CYP4F22: variants seen among roughly 807,000 people sequenced by gnomAD.
CYP4F22 encodes ultra-long-chain fatty acid omega-hydroxylase.
Under a neutral mutation model 60.4 loss-of-function variants are expected in CYP4F22, and 37 were observed. That is an observed-to-expected ratio of 0.61 (90% CI 0.47 to 0.81). The LOEUF (loss-of-function observed/expected upper bound fraction) is 0.81, where lower values mean the gene tolerates loss of function less well. Among genes scored for constraint, CYP4F22 ranks in the 30% least tolerant of loss-of-function variants. The pLI is 0.00. For missense variants in CYP4F22, 655 were observed against 715.0 expected, an observed-to-expected ratio of 0.92 and a Z score of 0.96; for synonymous variants, 258 against 280.5, an observed-to-expected ratio of 0.92 and a Z score of 0.80.
intron 1 of CYP4F22, among the ~76,000 whole-genome samples, chr19:15,516,415 G>A (rs767891498): frequency 2.0e-5 from 3 of 152,192 alleles, no homozygotes; most frequent in Admixed American, 1.3e-4. Flanking sequence ...TTTAGATTGT[G>A]AGGTCTTGCT....
chr19:15,516,105 C>A (rs1371193063), intron 1 of CYP4F22: 1 of 152,132 alleles, frequency 6.6e-6, no homozygotes, highest in Non-Finnish European at 1.5e-5. Context: ...ACATCCTTGC[C>A]AATACTATGT....
At chr19:15,545,774 C>T (rs1370705102) in intron 10 of CYP4F22, among the ~76,000 whole-genome samples, 1 of 151,896 alleles carries the variant, frequency 6.6e-6, no homozygotes, top group Admixed American at 6.6e-5. Context: ...AACCTTTTGC[C>T]TTATGGCCTC....
chr19:15,551,501 G>A lies in CYP4F22; in HGVS notation c.*30G>A. On this transcript the variant is annotated 3_prime_UTR_variant, in exon 14 of 14. Transcript: ENST00000269703. ...GGGCGCGCCCCTGCGGCTCCCGAGG[G>A]TCCAGGCCCCGCCCCCAAAGGACCA... The A allele has an allele frequency of 1.3e-6, 2 of 1,543,784 alleles. No homozygotes were observed. Among genetic ancestry groups the A allele is most frequent in the African/African-American group, 1.4e-5 (1 of 72,986 alleles).
At position 15,547,988 on chromosome 19, in the gene CYP4F22, AGAGAGAGGGAGAGAGTGTGT is replaced by A. The variant is rs1225269379; in HGVS notation, c.1137-118_1137-99del. ...GCCCCTGAGAGAGAGAGAGAGAGAGAGAGAGAGGGAGAGAGTGTGTGTGTGTGTGTGTGTGTGTGTGTGTG... is the reference window on the plus strand; with the variant it reads ...GCCCCTGAGAGAGAGAGAGAGAGAGAGTGTGTGTGTGTGTGTGTGTGTGTG... On this transcript the variant is annotated intron_variant, in intron 10 of 13. Coordinates refer to ENST00000269703, the MANE Select transcript of CYP4F22 (RefSeq NM_173483.4). The A allele has an allele frequency of 5.4e-4, 241 of 448,236 alleles. 5 individuals are homozygous for A. In the African/African-American group the frequency reaches 6.5e-3, roughly 12 times the overall value. The allele number at this position is 448,236 out of a possible 1,614,324, so 27.8% of individuals were successfully genotyped here.
At chr19:15,511,495 A>C (rs1971092068) in intron 1 of CYP4F22, among the ~76,000 whole-genome samples, 1 of 151,962 alleles carries the variant, frequency 6.6e-6, no homozygotes. Context: ...ACAACAAAAC[A>C]ACTTAGAAGT....
At position 15,512,457 on chromosome 19, in the gene CYP4F22, C is replaced by A. The variant is rs551114246; in HGVS notation, c.-109+3874C>A. On this transcript the variant is annotated intron_variant, in intron 1 of 13. Coordinates refer to ENST00000269703, the MANE Select transcript of CYP4F22 (RefSeq NM_173483.4). ...AGTAGCTGGGGCTACAGGCATCCAC[C>A]ACCATGCCCAGCTATTTCTTTTTTT... 3.9e-5 allele frequency among the ~76,000 whole-genome samples: 6 copies of A among 152,300 alleles called. No homozygotes were observed. The South Asian group carries it at 1.2e-3, about 32-fold the overall frequency.
Position 15,525,457 on chromosome 19 carries a change from C to T in CYP4F22, c.121C>T (p.Arg41Trp), listed in dbSNP as rs754377557. The T allele has an allele frequency of 3.7e-5, 60 of 1,614,032 alleles. No homozygotes were observed. The highest frequency in any genetic ancestry group is 6.7e-5 in the Admixed American group (4 of 59,998). ...CTTCTTCCTGTTCCGCCTGCTGCTG[C>T]GGTTCCTGAGGCTCTGCAGGAGCTT... ...LLFFLFRLLL[R>W]FLRLCRSFYI... The change falls in exon 3 of 14, where the codon CGG becomes TGG. Residue 41 changes from arginine to tryptophan, a missense_variant. Transcript: ENST00000269703.
intron 3 of CYP4F22, among the ~76,000 whole-genome samples, chr19:15,526,505 T>C (rs1168393541): frequency 6.6e-6 from 1 of 152,208 alleles, no homozygotes; most frequent in Non-Finnish European, 1.5e-5. Flanking sequence ...CAGGCAAATA[T>C]TAACTCATTC....
chr19:15,547,018 GTTTT>G lies in CYP4F22; in HGVS notation c.1137-1071_1137-1068del, dbSNP rs71176432. ...GAGCCACCATGCCTGGCCTGCACCA[GTTTT>G]TTTTTTTTTTTTTTTTTTAAGACAA... On this transcript the variant is annotated intron_variant, in intron 10 of 13. Coordinates refer to ENST00000269703, the MANE Select transcript of CYP4F22 (RefSeq NM_173483.4). Among the ~76,000 whole-genome samples, 67 of 82,312 alleles carry G rather than the reference GTTTT, an allele frequency of 8.1e-4. 1 individual carries two copies. In the East Asian group the frequency reaches 0.027, roughly 33 times the overall value. The allele number at this position is 82,312 out of a possible 152,430, so 54.0% of individuals were successfully genotyped here.
In CYP4F22 at chr19:15,551,453, G is replaced by C; in HGVS notation, c.1578G>C (p.Pro526=). 1 of 1,565,540 alleles carries C rather than the reference G, an allele frequency of 6.4e-7. No individual in the cohort carries two copies. The highest frequency in any genetic ancestry group is 1.2e-5 in the South Asian group (1 of 85,414). Residue 526 remains proline, a synonymous_variant, in exon 14 of 14, where the codon CCG becomes CCC. Transcript: ENST00000269703. ...ACGGGCTCTGGCTCAAGGTGGAGCC[G>C]CTGCCTCCGCGGGCCTGAGCGTGGG... ...TENGLWLKVE[P]LPPRA
At chr19:15,527,724 T>C (rs945732181) in intron 3 of CYP4F22, among the ~76,000 whole-genome samples, 2 of 152,146 alleles carry the variant, frequency 1.3e-5, no homozygotes, top group Non-Finnish European at 2.9e-5. Context: ...AAGGAGTCAT[T>C]TGTTGGTTGA....
chr19:15,515,446 C>T (rs1599787572), intron 1 of CYP4F22: 1 of 965,864 alleles, frequency 1.0e-6, no homozygotes, highest in East Asian at 3.1e-5. Context: ...TGCAGCTGGC[C>T]AGGCACGGTG....
intron 1 of CYP4F22, among the ~76,000 whole-genome samples, chr19:15,510,707 G>A (rs1379918704): frequency 6.6e-6 from 1 of 152,044 alleles, no homozygotes; most frequent in Non-Finnish European, 1.5e-5. Flanking sequence ...TCAAAGCTGC[G>A]ATAGGACTGT....
At position 15,545,114 on chromosome 19, in the gene CYP4F22, A is replaced by AC. The variant is rs201634902; in HGVS notation, c.1136+835_1136+836insC. Among the ~76,000 whole-genome samples the AC allele has an allele frequency of 9.1e-3, 1,378 of 151,860 alleles. 14 individuals carry two copies. The highest frequency in any genetic ancestry group is 0.045 in the Middle Eastern group (13 of 292). On this transcript the variant is annotated intron_variant, in intron 10 of 13. Coordinates refer to ENST00000269703, the MANE Select transcript of CYP4F22 (RefSeq NM_173483.4). ...AGTAAATAAATAAAATAAAAAAAAA[A>AC]AACAAAAGCTGTGCTTGCACTAGAA... is the stretch of plus-strand genomic sequence containing the variant.
At chr19:15,532,230 C>A (rs1971350669) in intron 4 of CYP4F22, among the ~76,000 whole-genome samples, 1 of 151,106 alleles carries the variant, frequency 6.6e-6, no homozygotes, top group South Asian at 2.1e-4. Flanking sequence ...TCTCCTCCTC[C>A]TTCTACTTCT....
At chr19:15,537,267 C>T in intron 4 of CYP4F22, 94 bp from the exon 5 acceptor site, 1 of 1,549,100 alleles carries the variant, frequency 6.5e-7, no homozygotes, top group South Asian at 1.1e-5. Context: ...CACCACTGCA[C>T]TCCAGCCTGG....
chr19:15,529,305 T>G (rs576920642), intron 3 of CYP4F22, among the ~76,000 whole-genome samples: 6 of 152,030 alleles, frequency 3.9e-5, no homozygotes, highest in African/African-American at 1.4e-4. Flanking sequence ...ATTTTTGTAT[T>G]TTTAGTAGAG....
chr19:15,538,004 C>G lies in CYP4F22; in HGVS notation c.671+11C>G, dbSNP rs777866266. On this transcript the variant is annotated intron_variant, in intron 7 of 13. Transcript: ENST00000269703. ...CAGCAACTGCCAAGAGTGAGTGTGA[C>G]CCTTCTTGGGAAGATGGAGCCAGCT... 3.1e-6 allele frequency: 5 copies of G among 1,614,040 alleles called. No individual in the cohort carries two copies. The South Asian group carries it at 5.5e-5, about 18-fold the overall frequency.
In CYP4F22 at chr19:15,546,229, G is replaced by T. The variant is rs186056965; in HGVS notation, c.1137-1879G>T. Among the ~76,000 whole-genome samples the T allele has an allele frequency of 5.9e-5, 9 of 152,216 alleles. No individual in the cohort carries two copies. The East Asian group carries it at 1.7e-3, about 29-fold the overall frequency. ...GAGTGCAAGCAGTCCTCTTACTTTG[G>T]CCTCCCAAAGTGCTGGGATTATAGG... On this transcript the variant is annotated intron_variant, in intron 10 of 13. Transcript: ENST00000269703.
Sources: allele counts gnomAD v4.1 joint callset (sites outside exome capture counted in the v4.1 genomes callset), GRCh38; gene constraint gnomAD v4.1.1; transcripts MANE v1.5; gene names NCBI Gene and HGNC (gene_info 2026-07-23, HGNC 2026-07-21).